Variants in DPH5 observed in about 807,000 individuals in gnomAD.
DPH5 encodes diphthamide biosynthesis 5.
A neutral mutation model predicts 31.6 loss-of-function variants in DPH5; 31 were observed. That is an observed-to-expected ratio of 0.98 (90% CI 0.74 to 1.32). DPH5 has a LOEUF of 1.32. DPH5 is among the 40% of genes most tolerant of loss of function. DPH5 has a pLI of 0.00. For missense variants in DPH5, 309 were observed against 335.7 expected, an observed-to-expected ratio of 0.92 and a Z score of 0.62; for synonymous variants, 120 against 115.0, an observed-to-expected ratio of 1.04 and a Z score of -0.28.
chr1:101,001,363 T>C, intron 5 of DPH5, 104 bp downstream of exon 5: 3 of 1,204,652 alleles, frequency 2.5e-6, no homozygotes, highest in Non-Finnish European at 3.5e-6. Flanking sequence ...GACTGTGTCT[T>C]TTCTTACCTC....
intron 7 of DPH5, among the ~76,000 whole-genome samples, chr1:100,991,757 C>G (rs1657739118): frequency 7.7e-6 from 1 of 130,364 alleles, no homozygotes; most frequent in Non-Finnish European, 1.6e-5. Context: ...CCACTGCACT[C>G]TAACTTGGGC....
At chr1:101,008,002 ATATGTGTT>A (rs1659361330) in intron 4 of DPH5, among the ~76,000 whole-genome samples, 1 of 152,204 alleles carries the variant, frequency 6.6e-6, no homozygotes, top group South Asian at 2.1e-4. Context: ...ATTTTAAAGT[ATATGTGTT>A]TATAACTATT....
chr1:101,008,353 G>GA (rs1659385483), intron 4 of DPH5, among the ~76,000 whole-genome samples: 1 of 152,146 alleles, frequency 6.6e-6, no homozygotes, highest in Admixed American at 6.5e-5. Context: ...CATACATCAT[G>GA]GTGTGGTTTG....
Position 100,990,099 on chromosome 1 carries a change from C to G in DPH5, c.*309G>C, listed in dbSNP as rs1029222347. The G allele has an allele frequency of 5.7e-6, 2 of 350,092 alleles. No homozygotes were observed. Among genetic ancestry groups the G allele is most frequent in the African/African-American group, 2.1e-5 (1 of 47,612 alleles). 21.7% of individuals were successfully genotyped at this position (350,092 alleles called of 1,614,324 possible). On this transcript the variant is annotated 3_prime_UTR_variant, in exon 8 of 8. Coordinates refer to ENST00000370109, the MANE Select transcript of DPH5 (RefSeq NM_015958.3). ...GAGGTTTAATTTTCGACTCACAGTT[C>G]CACATGGCTGGGAAGGCCTCAGGAA...
At chr1:101,008,933 C>T (rs1659442350) in intron 4 of DPH5, among the ~76,000 whole-genome samples, 1 of 152,170 alleles carries the variant, frequency 6.6e-6, no homozygotes, top group African/African-American at 2.4e-5. Context: ...AACTAAGACC[C>T]CTTATGTCCA....
chr1:101,022,628 T>C (rs1379310675), intron 2 of DPH5, among the ~76,000 whole-genome samples: 2 of 152,210 alleles, frequency 1.3e-5, no homozygotes, highest in East Asian at 3.8e-4. Flanking sequence ...TAAAACTGGA[T>C]GCATAGATAA....
intron 7 of DPH5, 138 bp downstream of exon 7, chr1:100,992,499 G>T: frequency 3.6e-6 from 2 of 561,726 alleles, no homozygotes; most frequent in East Asian, 3.1e-5. Flanking sequence ...AGTTAAAGTT[G>T]GACAAAAATG....
At chr1:100,992,774 G>A in intron 6 of DPH5, 34 bp from the exon 7 acceptor site, 1 of 1,424,604 alleles carries the variant, frequency 7.0e-7, no homozygotes, top group Non-Finnish European at 9.9e-7. Context: ...ACTGTTCTTA[G>A]CCATGAAACT....
At chr1:100,997,660 C>T (rs1396154967) in intron 5 of DPH5, among the ~76,000 whole-genome samples, 4 of 152,152 alleles carry the variant, frequency 2.6e-5, no homozygotes, top group South Asian at 2.1e-4. Context: ...CCACCGCACC[C>T]GGCCTTTCCT....
chr1:101,001,616 G>A (rs1658872997), intron 4 of DPH5, 29 bp from the exon 5 acceptor site: 1 of 1,465,642 alleles, frequency 6.8e-7, no homozygotes, highest in Non-Finnish European at 9.4e-7. Context: ...ATTAATGATG[G>A]AACAATTAAC....
intron 6 of DPH5, among the ~76,000 whole-genome samples, chr1:100,994,883 T>A (rs781274179): frequency 1.6e-4 from 24 of 152,188 alleles, no homozygotes; most frequent in Non-Finnish European, 2.4e-4. Flanking sequence ...ACACTGAGTG[T>A]CTGTTAGATG....
chr1:101,012,636 T>A (rs890994929), intron 4 of DPH5, among the ~76,000 whole-genome samples: 8 of 152,202 alleles, frequency 5.3e-5, no homozygotes, highest in African/African-American at 1.9e-4. Context: ...AAAAAAAGAC[T>A]TGAATGGGCA....
Position 101,000,885 on chromosome 1 carries a change from T to C in DPH5, c.490+582A>G, listed in dbSNP as rs183233051. Among the ~76,000 whole-genome samples, 181 of 152,194 alleles carry C rather than the reference T, an allele frequency of 1.2e-3. 1 individual carries two copies. The highest frequency in any genetic ancestry group is 4.2e-3 in the African/African-American group (176 of 41,528). On this transcript the variant is annotated intron_variant, in intron 5 of 7. Coordinates refer to ENST00000370109, the MANE Select transcript of DPH5 (RefSeq NM_015958.3). ...AGCTCTTTCCACACTAAAAAGGAAA[T>C]AGGATTTGGGGAAGAAGGTACAGTG...
intron 4 of DPH5, chr1:101,011,605 G>A (rs1570688326): frequency 2.0e-5 from 3 of 152,278 alleles, no homozygotes; most frequent in Admixed American, 2.0e-4. Context: ...CTATCAGTGT[G>A]GAGGATCAGA....
At chr1:101,009,389 A>G (rs1659470135) in intron 4 of DPH5, among the ~76,000 whole-genome samples, 1 of 152,178 alleles carries the variant, frequency 6.6e-6, no homozygotes. Flanking sequence ...TGGGGGTACA[A>G]ACCATAATAA....
At chr1:101,001,631 A>G in intron 4 of DPH5, 44 bp from the exon 5 acceptor site, 1 of 1,370,332 alleles carries the variant, frequency 7.3e-7, no homozygotes. Context: ...ATTAACTACT[A>G]TTTCATAGAT....
At chr1:101,018,324 G>A (rs186661232) in intron 3 of DPH5, among the ~76,000 whole-genome samples, 30 of 148,644 alleles carry the variant, frequency 2.0e-4, no homozygotes, top group Admixed American at 1.4e-3. Flanking sequence ...TGCAACCTCC[G>A]CCTCCCGGGT....
At position 101,025,365 on chromosome 1, in the gene DPH5, T is replaced by C; in HGVS notation, c.79A>G (p.Ser27Gly). ...VKGLEVVRRCSRVYLEAYTSV... is the reference protein window; with the variant it reads ...VKGLEVVRRCGRVYLEAYTSV... Reference sequence around the variant, plus strand: ...GTGTAGGCTTCCAGATACACTCGACTGCAGCGTCTAACAACTTCCAGGCCC... The same window carrying C: ...GTGTAGGCTTCCAGATACACTCGACCGCAGCGTCTAACAACTTCCAGGCCC... The change falls in exon 2 of 8, where the codon AGT becomes GGT. Residue 27 changes from serine (S) to glycine (G), a missense_variant. Transcript: ENST00000370109. 2 of 1,614,206 alleles carry C rather than the reference T, an allele frequency of 1.2e-6. No individual in the cohort carries two copies. Among genetic ancestry groups the C allele is most frequent in the South Asian group, 1.1e-5 (1 of 91,078 alleles).
intron 4 of DPH5, among the ~76,000 whole-genome samples, chr1:101,007,323 G>A (rs1335277771): frequency 2.0e-5 from 3 of 152,096 alleles, no homozygotes; most frequent in African/African-American, 7.2e-5. Flanking sequence ...AAGGAAAATG[G>A]TTCTTCTAAA....
Sources: allele counts gnomAD v4.1 joint callset (sites outside exome capture counted in the v4.1 genomes callset), GRCh38; gene constraint gnomAD v4.1.1; transcripts MANE v1.5; gene names NCBI Gene and HGNC (gene_info 2026-07-23, HGNC 2026-07-21).